TRIM69: variants seen among roughly 807,000 people sequenced by gnomAD.
TRIM69 encodes E3 ubiquitin-protein ligase TRIM69.
In TRIM69, 29 loss-of-function variants were observed where a neutral mutation model predicts 37.7. That is an observed-to-expected ratio of 0.77 (90% confidence interval 0.57 to 1.05). The LOEUF (loss-of-function observed/expected upper bound fraction) is 1.05, where lower values mean the gene tolerates loss of function less well. TRIM69 is among the 50% of genes least tolerant of loss of function. The pLI, the probability that TRIM69 is intolerant of heterozygous loss-of-function variation, is 0.00. For missense variants in TRIM69, 596 were observed against 579.9 expected, an observed-to-expected ratio of 1.03 and a Z score of -0.28; for synonymous variants, 209 against 212.4, an observed-to-expected ratio of 0.98 and a Z score of 0.14.
At chr15:44,746,232 C>T (rs1211301860) in intron 1 of TRIM69, among the ~76,000 whole-genome samples, 1 of 152,180 alleles carries the variant, frequency 6.6e-6, no homozygotes, top group Non-Finnish European at 1.5e-5. Flanking sequence ...ATTGAATAAT[C>T]CACAAAGAAT....
chr15:44,760,076 T>C (rs1041562988), intron 6 of TRIM69, among the ~76,000 whole-genome samples: 1 of 152,260 alleles, frequency 6.6e-6, no homozygotes, highest in Non-Finnish European at 1.5e-5. Context: ...TAAATAGATA[T>C]GAGTTTGATA....
At chr15:44,744,415 C>T (rs1040626325) in intron 1 of TRIM69, among the ~76,000 whole-genome samples, 1 of 150,780 alleles carries the variant, frequency 6.6e-6, no homozygotes, top group Non-Finnish European at 1.5e-5. Flanking sequence ...ATGTAACTAA[C>T]CTGCACATTG....
At chr15:44,758,925 C>A (rs980828211) in intron 4 of TRIM69, 71 bp downstream of exon 4, 4 of 1,514,260 alleles carry the variant, frequency 2.6e-6, no homozygotes, top group Middle Eastern at 1.7e-4. Flanking sequence ...GGAAAGAATG[C>A]GGAAGTGGCT....
intron 1 of TRIM69, among the ~76,000 whole-genome samples, chr15:44,751,203 C>T (rs1404072379): frequency 6.6e-6 from 1 of 151,554 alleles, no homozygotes; most frequent in African/African-American, 2.4e-5. Context: ...GCAACCTCCC[C>T]CTCCCAGGTT....
At chr15:44,766,014 C>T (rs970366585) in intron 6 of TRIM69, among the ~76,000 whole-genome samples, 8 of 152,182 alleles carry the variant, frequency 5.3e-5, no homozygotes, top group African/African-American at 1.7e-4. Flanking sequence ...TTTAGATATT[C>T]TTTTTTATAC....
intron 1 of TRIM69, among the ~76,000 whole-genome samples, chr15:44,738,089 C>T (rs1347054568): frequency 2.8e-5 from 4 of 141,260 alleles, no homozygotes; most frequent in Admixed American, 7.2e-5. Flanking sequence ...GACAGAGTCT[C>T]ACTCTCTTGC....
At chr15:44,755,598 G>T (rs559299531) in intron 2 of TRIM69, among the ~76,000 whole-genome samples, 1 of 152,148 alleles carries the variant, frequency 6.6e-6, no homozygotes, top group Admixed American at 6.5e-5. Context: ...AATCAAATCT[G>T]TACCTAAACT....
chr15:44,756,725 G>A, intron 3 of TRIM69: 5 of 339,112 alleles, frequency 1.5e-5, no homozygotes, highest in East Asian at 8.9e-5. Flanking sequence ...GACTGTCGTG[G>A]CGTTGAAATG....
Position 44,736,637 on chromosome 15 carries a change from C to T in TRIM69, c.-68C>T. On this transcript the variant is annotated 5_prime_UTR_variant, in exon 1 of 7. Transcript: ENST00000329464. ...TAAAAGGTCCCTGACTCCCAGTCTG[C>T]AGCCATCCTGGGCCTGCTGAGCTCT... 1.9e-6 allele frequency: 3 copies of T among 1,586,550 alleles called. No homozygotes were observed. The South Asian group carries it at 3.4e-5, about 18-fold the overall frequency.
rs1015836256 is a variant in TRIM69 at position 44,741,487 on chromosome 15, A to G, written c.6+4777A>G. ...AAATCAGAGCAGAACTGAAGGAAAA[A>G]GAGACACAATAAACCCTTCAAAAAG... On this transcript the variant is annotated intron_variant, in intron 1 of 6. Transcript: ENST00000329464. Among the ~76,000 whole-genome samples, 13 of 152,260 alleles carry G rather than the reference A, an allele frequency of 8.5e-5. 1 individual carries two copies. The highest frequency in any genetic ancestry group is 7.2e-4 in the Admixed American group (11 of 15,290).
intron 1 of TRIM69, among the ~76,000 whole-genome samples, chr15:44,744,550 G>A (rs540590019): frequency 6.6e-6 from 1 of 152,106 alleles, no homozygotes; most frequent in Non-Finnish European, 1.5e-5. Flanking sequence ...TTTAAAACTT[G>A]AAACTAATCA....
In TRIM69 at chr15:44,755,237, G is replaced by A. The variant is rs777591033; in HGVS notation, c.344G>A (p.Cys115Tyr). The change falls in exon 2 of 7, where the codon TGC (cysteine) becomes TAC (tyrosine). Residue 115 changes from cysteine to tyrosine, a missense_variant. Coordinates refer to ENST00000329464, the MANE Select transcript of TRIM69 (RefSeq NM_182985.5). ...KLPLLKGHPQ[C>Y]PEHGENLKLF... ...CCCTTACTCAAGGGCCATCCACAGTGCCCAGAGCATGGAGAGAACCTGAAA... is the reference window on the plus strand; with the variant it reads ...CCCTTACTCAAGGGCCATCCACAGTACCCAGAGCATGGAGAGAACCTGAAA... 6.2e-7 allele frequency: 1 copy of A among 1,614,186 alleles called. No homozygotes were observed. The highest frequency in any genetic ancestry group is 8.5e-7 in the Non-Finnish European group (1 of 1,180,022).
intron 1 of TRIM69, among the ~76,000 whole-genome samples, chr15:44,749,430 T>C (rs924038986): frequency 2.6e-5 from 4 of 152,214 alleles, no homozygotes; most frequent in Non-Finnish European, 5.9e-5. Context: ...AATGATCTGC[T>C]GTCTCTATAG....
chr15:44,754,812 C>G, intron 1 of TRIM69, 88 bp from the exon 2 acceptor site: 1 of 966,796 alleles, frequency 1.0e-6, no homozygotes. Flanking sequence ...TACCAATTTT[C>G]AGCTCCTTTA....
chr15:44,764,525 A>C (rs1297741101), intron 6 of TRIM69, among the ~76,000 whole-genome samples: 4 of 151,702 alleles, frequency 2.6e-5, no homozygotes. Flanking sequence ...AAAGGTTTGA[A>C]GAGTAAATAT....
chr15:44,763,995 T>C (rs1566901037), intron 6 of TRIM69, among the ~76,000 whole-genome samples: 1 of 152,242 alleles, frequency 6.6e-6, no homozygotes, highest in African/African-American at 2.4e-5. Context: ...AGTCTATTGA[T>C]TTCTGGAGGT....
intron 3 of TRIM69, chr15:44,757,134 T>G (rs2087667507): frequency 6.6e-6 from 1 of 152,206 alleles, no homozygotes; most frequent in African/African-American, 2.4e-5. Context: ...AAGAAGGATA[T>G]ATGGAAGTAA....
At chr15:44,745,380 T>G (rs2087383860) in intron 1 of TRIM69, among the ~76,000 whole-genome samples, 1 of 152,106 alleles carries the variant, frequency 6.6e-6, no homozygotes, top group Non-Finnish European at 1.5e-5. Context: ...GAAAAGTCAC[T>G]AACTAAACAA....
intron 1 of TRIM69, among the ~76,000 whole-genome samples, chr15:44,747,463 A>G (rs1366834026): frequency 5.3e-5 from 8 of 152,246 alleles, no homozygotes; most frequent in African/African-American, 1.9e-4. Flanking sequence ...AATAGCATCT[A>G]TAAAACAACA....
Sources: allele counts gnomAD v4.1 joint callset (sites outside exome capture counted in the v4.1 genomes callset), GRCh38; gene constraint gnomAD v4.1.1; transcripts MANE v1.5; gene names NCBI Gene and HGNC (gene_info 2026-07-23, HGNC 2026-07-21).